Variants in PDE1C observed in about 807,000 individuals in gnomAD.
PDE1C encodes dual specificity calcium/calmodulin-dependent 3',5'-cyclic nucleotide phosphodiesterase 1C.
A neutral mutation model predicts 93.1 loss-of-function variants in PDE1C; 62 were observed. The observed-to-expected ratio is 0.67, with a 90% CI of 0.54 to 0.82. The LOEUF is 0.82. Among genes scored for constraint, PDE1C ranks in the 40% least tolerant of loss-of-function variants. The pLI, the probability that PDE1C is intolerant of heterozygous loss-of-function variation, is 0.00. For synonymous variants in PDE1C, 325 were observed against 310.1 expected (o/e 1.05, Z -0.50); for missense variants, 742 against 884.6 (o/e 0.84, Z 2.04).
At chr7:31,957,884 A>C (rs918817810) in intron 2 of PDE1C, among the ~76,000 whole-genome samples, 2 of 152,122 alleles carry the variant, frequency 1.3e-5, no homozygotes, top group Non-Finnish European at 2.9e-5. Context: ...ACAAGTTACC[A>C]TCCAAAGGCT....
At chr7:32,071,960 T>C (rs1796089366), upstream of PDE1C, among the ~76,000 whole-genome samples, 1 of 151,830 alleles carries the variant, frequency 6.6e-6, no homozygotes, top group Non-Finnish European at 1.5e-5. Flanking sequence ...TGACAGGTAA[T>C]ACTTCTTTCC....
chr7:32,367,146 A>T (rs1441715269), intron 1 of PDE1C, among the ~76,000 whole-genome samples: 1 of 152,212 alleles, frequency 6.6e-6, no homozygotes, highest in Non-Finnish European at 1.5e-5. Context: ...CTAAAGAGAT[A>T]TACCATTAAT....
At chr7:31,828,476 T>G (rs1789972056) in intron 11 of PDE1C, 103 bp from the exon 12 acceptor site, 1 of 690,154 alleles carries the variant, frequency 1.4e-6, no homozygotes, top group Non-Finnish European at 2.5e-6. Flanking sequence ...GTCTTTATTT[T>G]AATTATTACA....
intron 2 of PDE1C, among the ~76,000 whole-genome samples, chr7:32,190,574 G>A (rs569049052): frequency 6.6e-6 from 1 of 152,282 alleles, no homozygotes; most frequent in African/African-American, 2.4e-5. Flanking sequence ...GAATCTCTAA[G>A]AACTTCCAGG....
chr7:32,066,095 AG>A (rs1294424429), intron 1 of PDE1C, among the ~76,000 whole-genome samples: 6 of 152,366 alleles, frequency 3.9e-5, no homozygotes, highest in African/African-American at 9.6e-5. Flanking sequence ...AAAGTCCAGA[AG>A]AAAAGCAAAG....
At chr7:32,348,855 G>A (rs921836336) in intron 1 of PDE1C, among the ~76,000 whole-genome samples, 1 of 152,092 alleles carries the variant, frequency 6.6e-6, no homozygotes, top group Non-Finnish European at 1.5e-5. Context: ...CTGTACAGGT[G>A]AGCTCACCCA....
At chr7:31,643,434 A>C in the PDE1C span, 1 of 1,613,970 alleles carries the variant, frequency 6.2e-7, no homozygotes, top group East Asian at 2.2e-5. Flanking sequence ...GTCAGATACT[A>C]CCTGGGACAG....
In PDE1C at chr7:32,065,882, G is replaced by A. The variant is rs1469737966; in HGVS notation, c.101+4411C>T. On this transcript the variant is annotated intron_variant, in intron 1 of 17. Transcript: ENST00000396191. ...AGAAACCAAATTCAAAACATCCTAA[G>A]CAAAAACAGAGTCTAACTAGCTCAT... Among the ~76,000 whole-genome samples, 3 of 152,266 alleles carry A rather than the reference G, an allele frequency of 2.0e-5. No individual in the cohort carries two copies. In the East Asian group the frequency reaches 5.8e-4, roughly 29 times the overall value.
At chr7:31,886,350 A>C (rs1051654647) in intron 2 of PDE1C, among the ~76,000 whole-genome samples, 5 of 152,192 alleles carry the variant, frequency 3.3e-5, no homozygotes, top group Non-Finnish European at 7.3e-5. Context: ...TTATGCTTTA[A>C]TGCCATCCAA....
At chr7:32,198,074 C>G (rs1804743493) in intron 2 of PDE1C, among the ~76,000 whole-genome samples, 2 of 151,966 alleles carry the variant, frequency 1.3e-5, no homozygotes, top group South Asian at 4.2e-4. Flanking sequence ...TCCTTGTATC[C>G]TATATTCATT....
intron 2 of PDE1C, among the ~76,000 whole-genome samples, chr7:31,920,952 G>C (rs76496859): frequency 0.076 from 11,533 of 152,142 alleles, 580 homozygotes; most frequent in Middle Eastern, 0.14. Context: ...TAACCCTTAT[G>C]TGCATGTATA....
chr7:31,652,121 T>C, the PDE1C span: 1 of 1,090,114 alleles, frequency 9.2e-7, no homozygotes, highest in African/African-American at 1.6e-5. Context: ...AATGAGAAAC[T>C]TGATTGTGCA....
At chr7:32,237,856 C>T (rs867885283) in intron 1 of PDE1C, among the ~76,000 whole-genome samples, 72 of 148,076 alleles carry the variant, frequency 4.9e-4, no homozygotes, top group African/African-American at 1.5e-3. Context: ...CTGCAGCCTC[C>T]GCCTCCTGGG....
intron 1 of PDE1C, among the ~76,000 whole-genome samples, chr7:32,356,645 G>GC (rs748073276): frequency 6.6e-6 from 1 of 152,190 alleles, no homozygotes; most frequent in Non-Finnish European, 1.5e-5. Flanking sequence ...CCTTTGAAGG[G>GC]AAACATCAGC....
intron 2 of PDE1C, among the ~76,000 whole-genome samples, chr7:31,909,263 T>A (rs1215215234): frequency 6.6e-6 from 1 of 152,180 alleles, no homozygotes. Context: ...CAACTGGGAC[T>A]TCCTACAAGC....
chr7:32,325,192 C>T (rs1243416248), intron 1 of PDE1C, among the ~76,000 whole-genome samples: 3 of 152,234 alleles, frequency 2.0e-5, no homozygotes, highest in Non-Finnish European at 4.4e-5. Flanking sequence ...CTGTAGGTAA[C>T]ATGAACTACA....
intron 1 of PDE1C, among the ~76,000 whole-genome samples, chr7:32,218,331 A>G (rs1806578190): frequency 6.6e-6 from 1 of 152,240 alleles, no homozygotes; most frequent in South Asian, 2.1e-4. Flanking sequence ...AGAAAATAAA[A>G]CTAATTTGTA....
At chr7:31,654,930 C>T in the PDE1C span, among the ~76,000 whole-genome samples, 6 of 152,120 alleles carry the variant, frequency 3.9e-5, no homozygotes, top group Non-Finnish European at 8.8e-5. Context: ...CGGGGCCTTC[C>T]TACCCTTGGG....
rs61290203 is a variant in PDE1C, at chr7:32,127,010, G to A, written c.308+42775C>T. Reference sequence around the variant, plus strand: ...TGAATTGGTAGACTGAAAAAAGCAGGTTGCCCTCCCCAGTGTGAAAGGGCC... The same window carrying A: ...TGAATTGGTAGACTGAAAAAAGCAGATTGCCCTCCCCAGTGTGAAAGGGCC... On this transcript the variant is annotated intron_variant, in intron 3 of 18. Transcript: ENST00000396193. 5.1e-3 allele frequency among the ~76,000 whole-genome samples: 776 copies of A among 152,216 alleles called. 6 individuals are homozygous for A. Among genetic ancestry groups the A allele is most frequent in the African/African-American group, 0.018 (731 of 41,542 alleles).
Sources: gnomAD v4.1 joint callset for allele counts (sites outside exome capture counted in the v4.1 genomes callset) on GRCh38, gnomAD v4.1.1 for gene constraint, MANE v1.5 for transcripts, NCBI Gene and HGNC (gene_info 2026-07-23, HGNC 2026-07-21) for gene names.